The following RASAL2 variants were observed in gnomAD, a reference collection of about 807,000 sequenced individuals.
RASAL2 encodes ras GTPase-activating protein nGAP.
RASAL2 carries 58 observed loss-of-function variants against 128.9 expected under a neutral mutation model. The observed-to-expected ratio is 0.45, with a 90% CI of 0.36 to 0.56. The LOEUF is 0.56. RASAL2 is among the 20% of genes least tolerant of loss of function. The pLI, the probability that RASAL2 is intolerant of heterozygous loss-of-function variation, is 0.00. For missense variants in RASAL2, 1,360 were observed against 1,601.6 expected, an observed-to-expected ratio of 0.85 and a Z score of 2.57; for synonymous variants, 561 against 580.8, an observed-to-expected ratio of 0.97 and a Z score of 0.49.
At chr1:178,249,155 C>T (rs1410119314) in intron 1 of RASAL2, among the ~76,000 whole-genome samples, 1 of 152,102 alleles carries the variant, frequency 6.6e-6, no homozygotes, top group Non-Finnish European at 1.5e-5. Flanking sequence ...GTTCCATTCT[C>T]TCTGTCACTT....
intron 1 of RASAL2, among the ~76,000 whole-genome samples, chr1:178,160,909 C>T (rs996811306): frequency 2.0e-5 from 3 of 152,182 alleles, no homozygotes; most frequent in Admixed American, 6.5e-5. Context: ...AATGATTTTC[C>T]GAAAGAATTT....
In RASAL2 at chr1:178,389,221, A is replaced by T. The variant is rs544704806; in HGVS notation, c.458-879A>T. On this transcript the variant is annotated intron_variant, in intron 3 of 17. Transcript: ENST00000367649. The stretch of plus-strand genomic sequence containing the variant: ...GGATGTGGCTTTTTTTTCCTTGTCC[A>T]TGTTGAGATTATCTAATGTTATCTG... 6.2e-6 allele frequency: 6 copies of T among 964,722 alleles called. No homozygotes were observed. In the South Asian group the frequency reaches 1.4e-4, roughly 23 times the overall value. 59.8% of individuals were successfully genotyped at this position (964,722 alleles called of 1,614,324 possible).
chr1:178,230,073 T>A (rs1663940830), intron 1 of RASAL2, among the ~76,000 whole-genome samples: 1 of 152,166 alleles, frequency 6.6e-6, no homozygotes, highest in Non-Finnish European at 1.5e-5. Context: ...TACTCTAGTG[T>A]CTAGGGTCTT....
At chr1:178,366,541 C>T (rs993103921) in intron 3 of RASAL2, among the ~76,000 whole-genome samples, 5 of 151,130 alleles carry the variant, frequency 3.3e-5, no homozygotes, top group Admixed American at 1.3e-4. Context: ...TAGAAGATAA[C>T]GCTCATCCGC....
chr1:178,342,344 G>A (rs1557915312), intron 3 of RASAL2, among the ~76,000 whole-genome samples: 1 of 152,136 alleles, frequency 6.6e-6, no homozygotes, highest in Non-Finnish European at 1.5e-5. Context: ...TCTCCTTATT[G>A]TCAGTTTAAC....
At chr1:178,264,848 G>A (rs1473586019) in intron 1 of RASAL2, among the ~76,000 whole-genome samples, 1 of 152,150 alleles carries the variant, frequency 6.6e-6, no homozygotes, top group East Asian at 1.9e-4. Context: ...TTCCATGGGG[G>A]TGTGGGTTAC....
At chr1:178,326,072 G>A (rs1043140068) in intron 3 of RASAL2, among the ~76,000 whole-genome samples, 5 of 152,102 alleles carry the variant, frequency 3.3e-5, no homozygotes, top group African/African-American at 1.2e-4. Flanking sequence ...CTACGATTAT[G>A]CTACTGCACT....
chr1:178,128,780 T>A (rs2102295807), intron 1 of RASAL2, among the ~76,000 whole-genome samples: 1 of 152,242 alleles, frequency 6.6e-6, no homozygotes, highest in Non-Finnish European at 1.5e-5. Context: ...CATAGAATCA[T>A]AAAATTTGTG....
rs1335344108 is a variant in RASAL2, at chr1:178,439,501, G to A, written c.754G>A (p.Asp252Asn). ...CCCATGCAGCACAGTGGAATGTCTG[G>A]ATCTTGGTAGAGGGGAACCTGTATC... ...LSPCSTVECL[D>N]LGRGEPVSVK... is the part of the protein sequence containing the mutation. Residue 252 changes from aspartate to asparagine, a missense_variant, in exon 6 of 18, where the codon GAT becomes AAT. By Grantham distance (23) the Asp-to-Asn change is conservative. Transcript: ENST00000367649. 5 of 1,612,906 alleles carry A rather than the reference G, an allele frequency of 3.1e-6. No homozygotes were observed. The South Asian group carries it at 4.4e-5, about 14-fold the overall frequency.
In RASAL2 at chr1:178,313,786, T is replaced by C. The variant is rs76785015; in HGVS notation, c.457+13668T>C. ...ATTAGCTAAGTCTTTTCTCATTCTA[T>C]AGTCACTTGTAGTAAGATATTAAGT... On this transcript the variant is annotated intron_variant, in intron 3 of 17. Coordinates refer to ENST00000367649, the MANE Select transcript of RASAL2 (RefSeq NM_170692.4). 1.9e-3 allele frequency among the ~76,000 whole-genome samples: 286 copies of C among 152,348 alleles called. 3 individuals are homozygous for C. The East Asian group carries it at 0.039, about 21-fold the overall frequency.
rs1043802485 is a variant in RASAL2, at chr1:178,246,745, A to G, written c.203-36819A>G. ...TATTATTTTGAGATATGTTCCATCAATACCTAGTTTATTGAGAGTTTTTAG... is the reference window on the plus strand; with the variant it reads ...TATTATTTTGAGATATGTTCCATCAGTACCTAGTTTATTGAGAGTTTTTAG... On this transcript the variant is annotated intron_variant, in intron 1 of 17. Transcript: ENST00000367649. Among the ~76,000 whole-genome samples the G allele has an allele frequency of 2.6e-5, 4 of 152,156 alleles. 1 individual carries two copies. Among genetic ancestry groups the G allele is most frequent in the South Asian group, 2.1e-4 (1 of 4,828 alleles).
At chr1:178,319,326 T>A (rs2102328147) in intron 3 of RASAL2, among the ~76,000 whole-genome samples, 1 of 152,074 alleles carries the variant, frequency 6.6e-6, no homozygotes, top group Admixed American at 6.5e-5. Flanking sequence ...ATTTCCTGAA[T>A]CTGAACGTTG....
intron 1 of RASAL2, among the ~76,000 whole-genome samples, chr1:178,271,565 A>G (rs1666259839): frequency 6.6e-6 from 1 of 152,302 alleles, no homozygotes; most frequent in Non-Finnish European, 1.5e-5. Context: ...GGCCTTAGAC[A>G]GATGGATCTA....
chr1:178,409,877 G>C (rs1012819635), intron 4 of RASAL2, among the ~76,000 whole-genome samples: 2 of 152,212 alleles, frequency 1.3e-5, no homozygotes, highest in African/African-American at 4.8e-5. Flanking sequence ...AGGATGGAGG[G>C]ATAGTAGAAG....
chr1:178,326,223 A>G (rs546197668), intron 3 of RASAL2, among the ~76,000 whole-genome samples: 2 of 152,208 alleles, frequency 1.3e-5, no homozygotes, highest in Non-Finnish European at 2.9e-5. Flanking sequence ...AGGCTGGATT[A>G]TATGTTTTCC....
At chr1:178,335,922 A>G (rs566357404) in intron 3 of RASAL2, among the ~76,000 whole-genome samples, 8 of 145,800 alleles carry the variant, frequency 5.5e-5, no homozygotes, top group South Asian at 2.2e-4. Flanking sequence ...TATGAAGAGG[A>G]AAAAAAAAAA....
At chr1:178,384,762 G>C (rs1158710569) in intron 3 of RASAL2, among the ~76,000 whole-genome samples, 1 of 151,072 alleles carries the variant, frequency 6.6e-6, no homozygotes, top group Non-Finnish European at 1.5e-5. Flanking sequence ...TCACAAAGAG[G>C]TGCTTAAATA....
Position 178,458,040 on chromosome 1 carries a change from C to T in RASAL2, c.2748C>T (p.Gly916=). 6.2e-7 allele frequency: 1 copy of T among 1,614,166 alleles called. No homozygotes were observed. ...PLHPALNQPG[G]LQPLSFQNPV... ...ACCCAGCCTTGAACCAGCCAGGTGG[C>T]CTTCAGCCCTTGTCGTTCCAGAACC... Residue 916 remains glycine, a synonymous_variant, in exon 14 of 18, where the codon GGC becomes GGT. Coordinates refer to ENST00000367649, the MANE Select transcript of RASAL2 (RefSeq NM_170692.4).
At chr1:178,440,716 AT>A (rs1201099557) in intron 6 of RASAL2, among the ~76,000 whole-genome samples, 2 of 152,144 alleles carry the variant, frequency 1.3e-5, no homozygotes, top group African/African-American at 4.8e-5. Context: ...GGTGCTAAGT[AT>A]ATAACAACAT....
Sources: allele counts gnomAD v4.1 joint callset (sites outside exome capture counted in the v4.1 genomes callset), GRCh38; gene constraint gnomAD v4.1.1; transcripts MANE v1.5; gene names NCBI Gene and HGNC (gene_info 2026-07-23, HGNC 2026-07-21).